Variants in CALN1 observed in about 807,000 individuals in gnomAD.
The protein encoded by CALN1 is calneuron 1, also known as calcium-binding protein 8.
CALN1 carries 17 observed loss-of-function variants against 30.6 expected under a neutral mutation model. The ratio of observed to expected loss-of-function variants is 0.56; its 90% CI spans 0.38 to 0.83. The LOEUF is 0.83. Among genes scored for constraint, CALN1 ranks in the 40% least tolerant of loss-of-function variants. The probability of loss-of-function intolerance (pLI) is 0.00; values close to 1 mark genes in which losing one functional copy is unlikely to be tolerated. For missense variants in CALN1, 291 were observed against 354.9 expected (o/e 0.82, Z 1.45); for synonymous variants, 156 against 131.4 (o/e 1.19, Z -1.28).
intron 5 of CALN1, among the ~76,000 whole-genome samples, chr7:71,982,456 T>C (rs1162354729): frequency 2.6e-5 from 4 of 152,046 alleles, no homozygotes; most frequent in Non-Finnish European, 5.9e-5. Flanking sequence ...TAGCTGGGCA[T>C]GGCAGTAGGT....
chr7:72,485,857 G>C, the CALN1 span, among the ~76,000 whole-genome samples: 1 of 151,970 alleles, frequency 6.6e-6, no homozygotes, highest in Non-Finnish European at 1.5e-5. Context: ...TTTGCAACAA[G>C]AGCGAAACTA....
Position 72,003,405 on chromosome 7 carries a change from G to A in CALN1, c.501+20252C>T, listed in dbSNP as rs1032193491. On this transcript the variant is annotated intron_variant, in intron 5 of 6. Coordinates refer to ENST00000395275, the MANE Select transcript of CALN1 (RefSeq NM_031468.4). ...GTCCCCAACTCCCGGGCCATGGACC[G>A]GTACCAGATAGCAAGAGGTGAGCGG... 5.3e-5 allele frequency among the ~76,000 whole-genome samples: 8 copies of A among 152,174 alleles called. No homozygotes were observed. The South Asian group carries it at 6.2e-4, about 12-fold the overall frequency.
chr7:72,461,379 A>C, the CALN1 span, among the ~76,000 whole-genome samples: 1 of 152,212 alleles, frequency 6.6e-6, no homozygotes. Flanking sequence ...AACACTATGC[A>C]CCATAGCAAA....
chr7:72,365,041 A>G (rs1803799784), intron 2 of CALN1, among the ~76,000 whole-genome samples: 1 of 152,080 alleles, frequency 6.6e-6, no homozygotes, highest in African/African-American at 2.4e-5. Flanking sequence ...GTGGTGGCAC[A>G]CACCTGCAAT....
At chr7:72,326,598 T>C (rs1057381790) in intron 2 of CALN1, among the ~76,000 whole-genome samples, 6 of 152,352 alleles carry the variant, frequency 3.9e-5, no homozygotes, top group African/African-American at 1.4e-4. Context: ...GTACAGATGT[T>C]TGAGGTTTTC....
At chr7:72,121,799 T>A (rs1023054440) in intron 3 of CALN1, among the ~76,000 whole-genome samples, 2 of 140,022 alleles carry the variant, frequency 1.4e-5, no homozygotes, top group South Asian at 2.5e-4. Context: ...ATAATATGTG[T>A]TTTGATTATT....
chr7:72,428,505 C>T (rs766475275), intron 1 of CALN1, among the ~76,000 whole-genome samples: 1 of 151,934 alleles, frequency 6.6e-6, no homozygotes, highest in Non-Finnish European at 1.5e-5. Context: ...GATCCTCCTG[C>T]CTCAGCCTCC....
upstream of CALN1, among the ~76,000 whole-genome samples, chr7:72,415,573 G>A (rs1370637778): frequency 6.6e-6 from 1 of 152,210 alleles, no homozygotes; most frequent in Non-Finnish European, 1.5e-5. Flanking sequence ...CACTTTGGGA[G>A]AAAACCAACA....
intron 2 of CALN1, among the ~76,000 whole-genome samples, chr7:72,362,499 C>T (rs910308941): frequency 2.6e-5 from 4 of 152,136 alleles, no homozygotes; most frequent in Non-Finnish European, 4.4e-5. Context: ...CTGGGTACCA[C>T]GCTATCTATA....
intron 5 of CALN1, among the ~76,000 whole-genome samples, chr7:71,837,557 T>C (rs948575794): frequency 1.3e-5 from 2 of 152,190 alleles, no homozygotes; most frequent in African/African-American, 4.8e-5. Flanking sequence ...GGGAAGGTTA[T>C]GATCCATCTA....
intron 2 of CALN1, among the ~76,000 whole-genome samples, chr7:72,352,225 C>T (rs1802960721): frequency 6.6e-6 from 1 of 150,992 alleles, no homozygotes; most frequent in South Asian, 2.1e-4. Flanking sequence ...CCCAACTCTA[C>T]TAAAAGTACC....
chr7:71,804,472 C>T (rs916199337), intron 6 of CALN1, among the ~76,000 whole-genome samples: 2 of 152,062 alleles, frequency 1.3e-5, no homozygotes, highest in African/African-American at 4.8e-5. Context: ...TGTGCCACTG[C>T]ATTCCAGCCT....
chr7:71,795,184 G>C (rs1276799897), intron 6 of CALN1, among the ~76,000 whole-genome samples: 1 of 152,026 alleles, frequency 6.6e-6, no homozygotes, highest in Non-Finnish European at 1.5e-5. Flanking sequence ...ATCACACTCA[G>C]GTAATTTTTG....
chr7:72,373,352 T>C (rs1804361775), intron 2 of CALN1, among the ~76,000 whole-genome samples: 1 of 152,230 alleles, frequency 6.6e-6, no homozygotes, highest in Non-Finnish European at 1.5e-5. Flanking sequence ...ACATAATGGC[T>C]GAAAACTTTT....
At chr7:72,025,602 C>T (rs937045789) in intron 4 of CALN1, among the ~76,000 whole-genome samples, 4 of 152,080 alleles carry the variant, frequency 2.6e-5, no homozygotes, top group South Asian at 2.1e-4. Context: ...CAGACAAGAG[C>T]GAACCTTCAA....
chr7:72,202,661 CTT>C (rs1487511892), intron 3 of CALN1, among the ~76,000 whole-genome samples: 2 of 152,146 alleles, frequency 1.3e-5, no homozygotes, highest in Admixed American at 1.3e-4. Flanking sequence ...AAACCAGAGA[CTT>C]TGAAAACACA....
At chr7:72,179,089 C>T (rs1010895456) in intron 3 of CALN1, among the ~76,000 whole-genome samples, 1 of 152,094 alleles carries the variant, frequency 6.6e-6, no homozygotes, top group African/African-American at 2.4e-5. Flanking sequence ...AGCAAGTTTT[C>T]AGTTGAACTC....
At chr7:71,970,121 T>A (rs1034293426) in intron 5 of CALN1, among the ~76,000 whole-genome samples, 2 of 152,132 alleles carry the variant, frequency 1.3e-5, no homozygotes, top group Admixed American at 1.3e-4. Context: ...AGTGCTAGGA[T>A]TACAGGCATG....
intron 3 of CALN1, among the ~76,000 whole-genome samples, chr7:72,144,779 G>T (rs1810223382): frequency 6.6e-6 from 1 of 152,148 alleles, no homozygotes; most frequent in Non-Finnish European, 1.5e-5. Context: ...CTGTCTCTCA[G>T]ACCACAGTGC....
Sources: allele counts gnomAD v4.1 joint callset (sites outside exome capture counted in the v4.1 genomes callset), GRCh38; gene constraint gnomAD v4.1.1; transcripts MANE v1.5; gene names NCBI Gene and HGNC (gene_info 2026-07-23, HGNC 2026-07-21).